Variants in STXBP5L observed in about 807,000 individuals in gnomAD.
STXBP5L encodes syntaxin binding protein 5L.
Under a neutral mutation model 144.5 loss-of-function variants are expected in STXBP5L, and 65 were observed. That is an observed-to-expected ratio of 0.45 (90% CI 0.37 to 0.55). STXBP5L has a LOEUF of 0.55. STXBP5L is among the 20% of genes least tolerant of loss of function. STXBP5L has a pLI of 0.00. For missense variants in STXBP5L, 1,298 were observed against 1,405.5 expected (o/e 0.92, Z 1.22); for synonymous variants, 505 against 469.6 (o/e 1.08, Z -0.97).
chr3:121,156,717 CA>C (rs1418473035), intron 8 of STXBP5L, among the ~76,000 whole-genome samples: 2 of 151,258 alleles, frequency 1.3e-5, no homozygotes, highest in African/African-American at 2.4e-5. Context: ...ATTTTAAAAA[CA>C]AAAAATAATT....
intron 3 of STXBP5L, among the ~76,000 whole-genome samples, chr3:121,006,775 G>T (rs954179675): frequency 2.6e-5 from 4 of 152,086 alleles, no homozygotes; most frequent in South Asian, 2.1e-4. Flanking sequence ...GCATTTGCTT[G>T]TCTGTGAAGG....
chr3:120,996,622 C>T (rs1016050304), intron 3 of STXBP5L, among the ~76,000 whole-genome samples: 1 of 152,142 alleles, frequency 6.6e-6, no homozygotes, highest in Non-Finnish European at 1.5e-5. Flanking sequence ...ATTTTCCCAG[C>T]CTCCTTGGCA....
intron 3 of STXBP5L, among the ~76,000 whole-genome samples, chr3:120,999,421 T>G (rs1393736466): frequency 6.6e-6 from 1 of 152,208 alleles, no homozygotes; most frequent in Non-Finnish European, 1.5e-5. Context: ...TCCATTTGCA[T>G]GATAGATCTT....
rs959245219 is a variant in STXBP5L at position 121,030,063 on chromosome 3, C to T, written c.288-11637C>T. 5.3e-5 allele frequency among the ~76,000 whole-genome samples: 8 copies of T among 152,278 alleles called. 1 individual carries two copies. The South Asian group carries it at 8.3e-4, about 16-fold the overall frequency. ...GAGAGGATGTGGAGAAATAGGAACACTTTTACACTGTTGGTGGGTGTGTAA... is the reference window on the plus strand; with the variant it reads ...GAGAGGATGTGGAGAAATAGGAACATTTTTACACTGTTGGTGGGTGTGTAA... On this transcript the variant is annotated intron_variant, in intron 3 of 26. Coordinates refer to ENST00000471454, the MANE Select transcript of STXBP5L (RefSeq NM_001308330.2).
chr3:121,391,318 C>A (rs2046577909), intron 22 of STXBP5L, among the ~76,000 whole-genome samples: 1 of 152,170 alleles, frequency 6.6e-6, no homozygotes, highest in African/African-American at 2.4e-5. Flanking sequence ...ACCTTCCTTG[C>A]AATGGGTTTG....
chr3:121,118,829 G>A (rs1185329043), intron 6 of STXBP5L, among the ~76,000 whole-genome samples: 1 of 151,570 alleles, frequency 6.6e-6, no homozygotes, highest in Non-Finnish European at 1.5e-5. Flanking sequence ...GTACAATGGT[G>A]CCATTTAGTG....
intron 5 of STXBP5L, among the ~76,000 whole-genome samples, chr3:121,100,284 C>G (rs1364822285): frequency 6.6e-6 from 1 of 152,136 alleles, no homozygotes; most frequent in African/African-American, 2.4e-5. Flanking sequence ...CACCCATCAA[C>G]TATAGGATAC....
intron 6 of STXBP5L, among the ~76,000 whole-genome samples, chr3:121,119,520 A>G (rs1179975908): frequency 6.6e-6 from 1 of 151,448 alleles, no homozygotes; most frequent in Non-Finnish European, 1.5e-5. Context: ...AGAACTAAAT[A>G]GGGATACCGA....
intron 22 of STXBP5L, among the ~76,000 whole-genome samples, chr3:121,392,778 T>TGC (rs1391425464): frequency 0.028 from 1,554 of 55,704 alleles, 18 homozygotes; most frequent in Middle Eastern, 0.047. Flanking sequence ...GGCATATATA[T>TGC]ATATATATAT....
chr3:120,991,559 T>C (rs1361949600), intron 3 of STXBP5L, among the ~76,000 whole-genome samples: 1 of 152,188 alleles, frequency 6.6e-6, no homozygotes, highest in Non-Finnish European at 1.5e-5. Flanking sequence ...CTATTCACAA[T>C]AGCAAAGACT....
chr3:121,388,287 G>A (rs1470314418), intron 22 of STXBP5L, among the ~76,000 whole-genome samples: 1 of 152,230 alleles, frequency 6.6e-6, no homozygotes, highest in Non-Finnish European at 1.5e-5. Flanking sequence ...TCAGCTTAAG[G>A]AGATTTTGGG....
At chr3:121,167,049 A>G (rs2046527833) in intron 9 of STXBP5L, among the ~76,000 whole-genome samples, 1 of 152,186 alleles carries the variant, frequency 6.6e-6, no homozygotes, top group Non-Finnish European at 1.5e-5. Context: ...TTTTGAGGAT[A>G]CCATTTCTGA....
At chr3:121,081,201 G>T (rs1156679414) in intron 5 of STXBP5L, among the ~76,000 whole-genome samples, 3 of 151,832 alleles carry the variant, frequency 2.0e-5, no homozygotes, top group African/African-American at 7.3e-5. Context: ...ATTTCCAGAA[G>T]TTGTAGTTCT....
chr3:121,179,079 G>T (rs1279603347), intron 9 of STXBP5L, among the ~76,000 whole-genome samples: 2 of 152,052 alleles, frequency 1.3e-5, no homozygotes, highest in East Asian at 3.9e-4. Flanking sequence ...GAAAGCTTAT[G>T]ACCTGGGGCA....
At position 120,940,637 on chromosome 3, in the gene STXBP5L, G is replaced by GAA. The variant is rs34714742; in HGVS notation, c.190-14293_190-14292dup. The stretch of plus-strand genomic sequence containing the variant: ...AAGATGAAAATGAGTCCTAGGGGTG[G>GAA]AAAAAAAAAAACAGTGGAATTTATT... On this transcript the variant is annotated intron_variant, in intron 2 of 26. Coordinates refer to ENST00000471454, the MANE Select transcript of STXBP5L (RefSeq NM_001308330.2). 6.0e-3 allele frequency among the ~76,000 whole-genome samples: 880 copies of GAA among 145,766 alleles called. 3 individuals carry two copies. Among genetic ancestry groups the GAA allele is most frequent in the South Asian group, 0.024 (109 of 4,624 alleles).
chr3:121,278,275 A>G lies in STXBP5L; in HGVS notation c.1959-1530A>G, dbSNP rs1286598136. On this transcript the variant is annotated intron_variant, in intron 18 of 26. Coordinates refer to ENST00000471454, the MANE Select transcript of STXBP5L (RefSeq NM_001308330.2). ...GACCAATATGTGAAAACTGTTGTTT[A>G]ATATATTTTTGCCCACTTTTCTAGT... Among the ~76,000 whole-genome samples, 4 of 151,966 alleles carry G rather than the reference A, an allele frequency of 2.6e-5. No individual in the cohort carries two copies. In the East Asian group the frequency reaches 7.7e-4, roughly 29 times the overall value.
rs113136218 is a variant in STXBP5L at position 121,073,982 on chromosome 3, C to T, written c.470+28447C>T. Among the ~76,000 whole-genome samples, 386 of 152,298 alleles carry T rather than the reference C, an allele frequency of 2.5e-3. 2 individuals are homozygous for T. Among genetic ancestry groups the T allele is most frequent in the African/African-American group, 8.7e-3 (363 of 41,560 alleles). ...CTTATAGCCAGCCTCCCACAGAACA[C>T]GAAGGAGGCTTTCTGTGCCTTGAAA... On this transcript the variant is annotated intron_variant, in intron 5 of 26. Coordinates refer to ENST00000471454, the MANE Select transcript of STXBP5L (RefSeq NM_001308330.2).
intron 5 of STXBP5L, among the ~76,000 whole-genome samples, chr3:121,096,641 G>C (rs192194318): frequency 4.6e-5 from 7 of 151,972 alleles, no homozygotes; most frequent in Non-Finnish European, 8.8e-5. Context: ...CACTACAGAC[G>C]CTATTTGCCT....
chr3:121,093,488 G>A (rs529258745), intron 5 of STXBP5L, among the ~76,000 whole-genome samples: 1 of 152,158 alleles, frequency 6.6e-6, no homozygotes, highest in East Asian at 1.9e-4. Flanking sequence ...ACTTCTTCCT[G>A]GTTTAGTCTT....
Sources: gnomAD v4.1 joint callset for allele counts (sites outside exome capture counted in the v4.1 genomes callset) on GRCh38, gnomAD v4.1.1 for gene constraint, MANE v1.5 for transcripts, NCBI Gene and HGNC (gene_info 2026-07-23, HGNC 2026-07-21) for gene names.